KIF24: variants seen among roughly 807,000 people sequenced by gnomAD.
The protein encoded by KIF24 is kinesin family member 24, also known as kinesin-like protein KIF24.
KIF24 carries 81 observed loss-of-function variants against 118.9 expected under a neutral mutation model. The ratio of observed to expected loss-of-function variants is 0.68; its 90% CI spans 0.57 to 0.82. The LOEUF is 0.82. KIF24 is among the 40% of genes least tolerant of loss of function. The pLI is 0.00. For missense variants in KIF24, 1,560 were observed against 1,661.6 expected (o/e 0.94, Z 1.06); for synonymous variants, 599 against 610.0 (o/e 0.98, Z 0.27).
chr9:34,264,475 T>C (rs1835209816), intron 8 of KIF24, among the ~76,000 whole-genome samples: 1 of 150,844 alleles, frequency 6.6e-6, no homozygotes, highest in Admixed American at 6.6e-5. Context: ...AGCAATCCCT[T>C]GGAATTGCCA....
chr9:34,331,410 T>TA (rs1470393838), upstream of KIF24, among the ~76,000 whole-genome samples: 2 of 152,234 alleles, frequency 1.3e-5, no homozygotes, highest in Admixed American at 1.3e-4. Flanking sequence ...ATGAGGAAGT[T>TA]AAGTATCTTG....
At chr9:34,331,545 G>A (rs562835558), upstream of KIF24, among the ~76,000 whole-genome samples, 31 of 152,312 alleles carry the variant, frequency 2.0e-4, no homozygotes, top group African/African-American at 6.7e-4. Context: ...AGATGCAGGG[G>A]CAGGTTGGAC....
intron 1 of KIF24, chr9:34,319,287 G>T: frequency 1.9e-6 from 2 of 1,041,834 alleles, no homozygotes; most frequent in Non-Finnish European, 3.0e-6. Context: ...TCTGGATGGG[G>T]AAGAAGCAGA....
Position 34,324,923 on chromosome 9 carries a change from T to C in KIF24, c.-26+4183A>G, listed in dbSNP as rs1391396106. Among the ~76,000 whole-genome samples the C allele has an allele frequency of 2.6e-5, 4 of 152,206 alleles. No individual in the cohort carries two copies. The East Asian group carries it at 7.7e-4, about 29-fold the overall frequency. On this transcript the variant is annotated intron_variant, in intron 1 of 12. Coordinates refer to ENST00000402558, the MANE Select transcript of KIF24 (RefSeq NM_194313.4). The stretch of plus-strand genomic sequence containing the variant: ...CCAATGTGATCAGATGTCCCTTCCG[T>C]GTCTGCATCATACCTTTTGCATATC...
intron 3 of KIF24, among the ~76,000 whole-genome samples, chr9:34,305,957 T>G (rs752299217): frequency 6.6e-6 from 1 of 152,168 alleles, no homozygotes; most frequent in Non-Finnish European, 1.5e-5. Flanking sequence ...TTTTTTTTGC[T>G]GAATATGTAT....
At position 34,300,391 on chromosome 9, in the gene KIF24, CAG is replaced by C. The variant is rs1415564828; in HGVS notation, c.814-3279_814-3278del. On this transcript the variant is annotated intron_variant, in intron 3 of 12. Coordinates refer to ENST00000402558, the MANE Select transcript of KIF24 (RefSeq NM_194313.4). The stretch of plus-strand genomic sequence containing the variant: ...TGGTGGTATTTTTTTTTTTTTGAGA[CAG>C]AGTCTCACTTTGTTGCCCAGGTTGG... Among the ~76,000 whole-genome samples the C allele has an allele frequency of 4.7e-5, 7 of 149,140 alleles. No individual in the cohort carries two copies. In the East Asian group the frequency reaches 7.9e-4, roughly 17 times the overall value.
intron 10 of KIF24, among the ~76,000 whole-genome samples, chr9:34,258,593 C>T (rs538177981): frequency 5.5e-4 from 83 of 152,290 alleles, no homozygotes; most frequent in African/African-American, 2.0e-3. Context: ...GCCAGAGACG[C>T]CAGTCTCAGA....
chr9:34,316,144 G>A (rs1837321615), intron 1 of KIF24, among the ~76,000 whole-genome samples: 1 of 151,944 alleles, frequency 6.6e-6, no homozygotes, highest in South Asian at 2.1e-4. Flanking sequence ...GAGGTCAGGA[G>A]ATCGAGACCA....
chr9:34,325,556 G>A (rs1837647487), intron 1 of KIF24, among the ~76,000 whole-genome samples: 1 of 151,882 alleles, frequency 6.6e-6, no homozygotes. Context: ...AGCTGGGAAT[G>A]TTGGCACACA....
chr9:34,260,952 A>C (rs1835032353), intron 9 of KIF24, among the ~76,000 whole-genome samples: 1 of 152,154 alleles, frequency 6.6e-6, no homozygotes, highest in African/African-American at 2.4e-5. Context: ...GGCCTGGGCG[A>C]CAGAGTGAGA....
chr9:34,311,720 A>G (rs1252812022), intron 1 of KIF24, among the ~76,000 whole-genome samples: 2 of 134,888 alleles, frequency 1.5e-5, no homozygotes, highest in Admixed American at 7.9e-5. Context: ...GTATATATGT[A>G]TATACACGTA....
chr9:34,280,421 C>A (rs1475418610), intron 6 of KIF24, among the ~76,000 whole-genome samples: 5 of 151,360 alleles, frequency 3.3e-5, no homozygotes, highest in Non-Finnish European at 7.4e-5. Context: ...GTGTTTGCTT[C>A]TTTCGCCTTT....
At chr9:34,266,517 A>T (rs568251155) in intron 8 of KIF24, among the ~76,000 whole-genome samples, 6 of 151,994 alleles carry the variant, frequency 3.9e-5, no homozygotes, top group Non-Finnish European at 2.9e-5. Flanking sequence ...TCTCTACTAA[A>T]AATACAAAAA....
chr9:34,293,346 G>A (rs1352666083), intron 4 of KIF24, among the ~76,000 whole-genome samples: 1 of 151,910 alleles, frequency 6.6e-6, no homozygotes, highest in Non-Finnish European at 1.5e-5. Context: ...CAGGTGTGGT[G>A]GCACACGCCT....
chr9:34,308,981 T>C (rs1379938715), intron 2 of KIF24, among the ~76,000 whole-genome samples: 1 of 152,076 alleles, frequency 6.6e-6, no homozygotes, highest in Non-Finnish European at 1.5e-5. Flanking sequence ...CTTGGGTGGC[T>C]GAGGCAGGAG....
chr9:34,266,240 A>G (rs1281897646), intron 8 of KIF24, among the ~76,000 whole-genome samples: 1 of 124,002 alleles, frequency 8.1e-6, no homozygotes. Flanking sequence ...TATACCACAT[A>G]TATTTTTCCT....
At chr9:34,283,052 C>CAAAA (rs33926979) in intron 6 of KIF24, among the ~76,000 whole-genome samples, 2 of 69,066 alleles carry the variant, frequency 2.9e-5, no homozygotes, top group Non-Finnish European at 2.8e-5. Flanking sequence ...AACTCCGTCT[C>CAAAA]AAAAAAAAAA....
At chr9:34,285,953 A>C (rs1289198636) in intron 6 of KIF24, among the ~76,000 whole-genome samples, 1 of 147,534 alleles carries the variant, frequency 6.8e-6, no homozygotes, top group African/African-American at 2.5e-5. Context: ...AAAAAAAAGT[A>C]AAAAGAATTT....
intron 1 of KIF24, among the ~76,000 whole-genome samples, chr9:34,320,332 CAAAAAA>C (rs66835823): frequency 1.2e-3 from 132 of 106,318 alleles, no homozygotes; most frequent in African/African-American, 4.8e-3. Context: ...AATGTTCCAA[CAAAAAA>C]AAAAAAAAAA....
Sources: allele counts gnomAD v4.1 joint callset (sites outside exome capture counted in the v4.1 genomes callset), GRCh38; gene constraint gnomAD v4.1.1; transcripts MANE v1.5; gene names NCBI Gene and HGNC (gene_info 2026-07-23, HGNC 2026-07-21).